The following DYNLT5 variants were observed in gnomAD, a reference collection of about 807,000 sequenced individuals.
DYNLT5 encodes dynein light chain Tctex-type 5.
DYNLT5 carries 25 observed loss-of-function variants against 19.3 expected under a neutral mutation model. The ratio of observed to expected loss-of-function variants is 1.30; its 90% CI spans 0.95 to 1.81. DYNLT5 has a LOEUF of 1.81. Among genes scored for constraint, DYNLT5 ranks in the 40% most tolerant of loss-of-function variants. The pLI is 0.00. For missense variants in DYNLT5, 232 were observed against 217.9 expected (o/e 1.06, Z -0.41); for synonymous variants, 82 against 68.9 (o/e 1.19, Z -0.94).
At chr1:66,776,554 TGTGTGG>T (rs1313233323) in intron 4 of DYNLT5, 151 bp downstream of exon 4, 2 of 809,578 alleles carry the variant, frequency 2.5e-6, no homozygotes, top group Non-Finnish European at 3.6e-6. Context: ...TATATGTGTG[TGTGTGG>T]GTGTGTGTGT....
intron 2 of DYNLT5, chr1:66,768,843 C>A (rs1331449982): frequency 6.6e-6 from 1 of 152,096 alleles, no homozygotes; most frequent in East Asian, 1.9e-4. Flanking sequence ...GACTTTGTCA[C>A]TAAGAGGTAA....
chr1:66,774,882 G>A (rs931502270), intron 3 of DYNLT5, among the ~76,000 whole-genome samples: 4 of 152,234 alleles, frequency 2.6e-5, no homozygotes, highest in Non-Finnish European at 2.9e-5. Flanking sequence ...ACTATAGGGT[G>A]CCATATGTTT....
intron 3 of DYNLT5, among the ~76,000 whole-genome samples, chr1:66,774,295 T>C (rs894867129): frequency 5.9e-5 from 9 of 152,014 alleles, no homozygotes; most frequent in African/African-American, 2.2e-4. Flanking sequence ...AAAATAAAAA[T>C]TCCAAAAAAA....
chr1:66,753,397 G>C (rs2094630639), intron 1 of DYNLT5, among the ~76,000 whole-genome samples: 1 of 152,124 alleles, frequency 6.6e-6, no homozygotes, highest in African/African-American at 2.4e-5. Context: ...TAGACAATGA[G>C]GGCATTATTA....
rs538919138 is a variant in DYNLT5 at position 66,770,643 on chromosome 1, A to C, written c.211+165A>C. ...TTGCTTTAGTTTCTTCCTCAGCAAA[A>C]AGGTAACAACACTTGCTGTCTTACT... On this transcript the variant is annotated intron_variant, in intron 3 of 4. Transcript: ENST00000282670. 27 of 711,546 alleles carry C rather than the reference A, an allele frequency of 3.8e-5. 2 individuals are homozygous for C. The South Asian group carries it at 3.8e-4, about 10-fold the overall frequency. The allele number at this position is 711,546 out of a possible 1,614,324, so 44.1% of individuals were successfully genotyped here.
intron 2 of DYNLT5, among the ~76,000 whole-genome samples, chr1:66,765,593 G>A (rs1220891378): frequency 1.3e-5 from 2 of 151,256 alleles, no homozygotes; most frequent in East Asian, 3.9e-4. Context: ...AGAAAAAAAT[G>A]AATTTCATTA....
chr1:66,760,592 G>T (rs930273818), intron 2 of DYNLT5, among the ~76,000 whole-genome samples: 3 of 152,050 alleles, frequency 2.0e-5, no homozygotes, highest in African/African-American at 7.2e-5. Context: ...ACATTCCATT[G>T]TGCATCTATT....
intron 3 of DYNLT5, among the ~76,000 whole-genome samples, chr1:66,774,817 C>A (rs991739622): frequency 6.6e-6 from 1 of 152,208 alleles, no homozygotes; most frequent in African/African-American, 2.4e-5. Context: ...GGGTGCTGCA[C>A]TATCCCTTGT....
At chr1:66,766,137 C>T (rs1174169578) in intron 2 of DYNLT5, among the ~76,000 whole-genome samples, 3 of 152,170 alleles carry the variant, frequency 2.0e-5, no homozygotes, top group African/African-American at 7.2e-5. Context: ...CTCTCTGGGA[C>T]ACGTTTTGCC....
At chr1:66,755,362 T>C (rs1333603475) in intron 2 of DYNLT5, among the ~76,000 whole-genome samples, 1 of 152,204 alleles carries the variant, frequency 6.6e-6, no homozygotes, top group Admixed American at 6.5e-5. Flanking sequence ...ATAAGTAGAT[T>C]TTTTGGTTCT....
chr1:66,770,331 AT>A (rs1645196753), intron 2 of DYNLT5, 55 bp from the exon 3 acceptor site: 1 of 1,150,738 alleles, frequency 8.7e-7, no homozygotes. Flanking sequence ...GCAATATTGT[AT>A]TTTGTTATTA....
At chr1:66,759,411 A>G (rs1220984801) in intron 2 of DYNLT5, among the ~76,000 whole-genome samples, 5 of 152,222 alleles carry the variant, frequency 3.3e-5, no homozygotes, top group Non-Finnish European at 7.3e-5. Flanking sequence ...CCATAGAGCA[A>G]AATAATTTTT....
Position 66,770,467 on chromosome 1 carries a change from C to T in DYNLT5, c.200C>T (p.Thr67Ile). Residue 67 changes from threonine to isoleucine, a missense_variant, in exon 3 of 5, where the codon ACC becomes ATC. By Grantham distance (89) the Thr-to-Ile change is moderately conservative. Coordinates refer to ENST00000282670, the MANE Select transcript of DYNLT5 (RefSeq NM_152665.3). Reference sequence around the variant, plus strand: ...CGCCTTACAGTTCAGATGGAAAACACCTATCAGTTGGGTGTGTTCTTTTAT... The same window carrying T: ...CGCCTTACAGTTCAGATGGAAAACATCTATCAGTTGGGTGTGTTCTTTTAT... The part of the protein sequence containing the change: ...ISRLTVQMEN[T>I]YQLGPPKHFP... The T allele has an allele frequency of 6.2e-7, 1 of 1,612,378 alleles. No individual in the cohort carries two copies. Among genetic ancestry groups the T allele is most frequent in the Non-Finnish European group, 8.5e-7 (1 of 1,178,664 alleles).
At chr1:66,756,695 T>C (rs480060) in intron 2 of DYNLT5, among the ~76,000 whole-genome samples, 107,689 of 152,128 alleles carry the variant, frequency 0.71, 39,273 homozygotes, top group Non-Finnish European at 0.76. Flanking sequence ...GGTCAAGTAA[T>C]TTGACTTAAT....
chr1:66,762,954 A>T (rs181950032), intron 2 of DYNLT5, among the ~76,000 whole-genome samples: 1 of 152,346 alleles, frequency 6.6e-6, no homozygotes, highest in African/African-American at 2.4e-5. Context: ...TTTTGTATGC[A>T]TGTATCAAAA....
At chr1:66,774,039 C>CT (rs550780444) in intron 3 of DYNLT5, among the ~76,000 whole-genome samples, 2 of 151,108 alleles carry the variant, frequency 1.3e-5, no homozygotes, top group Non-Finnish European at 3.0e-5. Context: ...TGGTTAATGA[C>CT]TTTTTTTTTA....
At chr1:66,760,215 G>T (rs1177227933) in intron 2 of DYNLT5, among the ~76,000 whole-genome samples, 1 of 152,076 alleles carries the variant, frequency 6.6e-6, no homozygotes, top group African/African-American at 2.4e-5. Context: ...TGCTTGTTTA[G>T]TATTTTATTG....
intron 2 of DYNLT5, among the ~76,000 whole-genome samples, chr1:66,755,512 A>C (rs1300845723): frequency 6.6e-6 from 1 of 152,300 alleles, no homozygotes; most frequent in East Asian, 1.9e-4. Flanking sequence ...TTTCGTTCTT[A>C]GTTTCTATAG....
At chr1:66,775,363 C>T (rs1645228317) in intron 3 of DYNLT5, 1 of 152,182 alleles carries the variant, frequency 6.6e-6, no homozygotes, top group African/African-American at 2.4e-5. Context: ...GCTTATCGCA[C>T]TGCCTGACAT....
Sources: allele counts gnomAD v4.1 joint callset (sites outside exome capture counted in the v4.1 genomes callset), GRCh38; gene constraint gnomAD v4.1.1; transcripts MANE v1.5; gene names NCBI Gene and HGNC (gene_info 2026-07-23, HGNC 2026-07-21).